Variants in WWOX observed in about 807,000 individuals in gnomAD.
The protein encoded by WWOX is WW domain containing oxidoreductase, also known as WW domain-containing oxidoreductase.
In WWOX, 69 loss-of-function variants were observed where a neutral mutation model predicts 46.2. That is an observed-to-expected ratio of 1.49 (90% confidence interval 1.23 to 1.82). The LOEUF (loss-of-function observed/expected upper bound fraction) is 1.82. WWOX is among the 40% of genes most tolerant of loss of function. WWOX has a pLI of 0.00. For missense variants in WWOX, 919 were observed against 542.6 expected, an observed-to-expected ratio of 1.69 and a Z score of -6.89; for synonymous variants, 359 against 202.6, an observed-to-expected ratio of 1.77 and a Z score of -6.56.
At chr16:78,413,038 G>A (rs1342943283) in intron 6 of WWOX, among the ~76,000 whole-genome samples, 1 of 152,176 alleles carries the variant, frequency 6.6e-6, no homozygotes. Context: ...ATGAGCCAGT[G>A]GAGAGGAAAA....
intron 8 of WWOX, among the ~76,000 whole-genome samples, chr16:79,141,394 G>A (rs766405919): frequency 2.6e-5 from 4 of 152,160 alleles, no homozygotes; most frequent in Non-Finnish European, 4.4e-5. Context: ...CCCTCCTGAG[G>A]CTGTGTCACA....
intron 8 of WWOX, among the ~76,000 whole-genome samples, chr16:78,936,961 A>G (rs1285302739): frequency 6.6e-6 from 1 of 152,212 alleles, no homozygotes; most frequent in Admixed American, 6.5e-5. Flanking sequence ...TTTAAAGCAT[A>G]TTAATCCATT....
intron 8 of WWOX, among the ~76,000 whole-genome samples, chr16:78,915,392 A>G (rs1168668550): frequency 1.3e-5 from 2 of 152,166 alleles, no homozygotes; most frequent in Non-Finnish European, 2.9e-5. Flanking sequence ...TTCCATCTAA[A>G]TAGCTTAATT....
chr16:78,606,387 T>A (rs1288690403), intron 8 of WWOX, among the ~76,000 whole-genome samples: 1 of 152,158 alleles, frequency 6.6e-6, no homozygotes, highest in African/African-American at 2.4e-5. Context: ...TACTTTGGAT[T>A]TATTCTTTTG....
At chr16:78,398,768 T>G (rs1736779651) in intron 6 of WWOX, among the ~76,000 whole-genome samples, 2 of 152,190 alleles carry the variant, frequency 1.3e-5, no homozygotes. Flanking sequence ...TCAGCAAAGA[T>G]GGGAAAGGAT....
chr16:78,744,406 C>T (rs895444629), intron 8 of WWOX, among the ~76,000 whole-genome samples: 3 of 147,768 alleles, frequency 2.0e-5, no homozygotes, highest in East Asian at 2.0e-4. Flanking sequence ...TTAGGAAGGG[C>T]CCATGGTCCA....
chr16:78,250,681 G>C (rs938103830), intron 5 of WWOX, among the ~76,000 whole-genome samples: 4 of 152,174 alleles, frequency 2.6e-5, no homozygotes, highest in Non-Finnish European at 5.9e-5. Flanking sequence ...AGAGTCCAGT[G>C]ATGGCGGGCT....
chr16:79,208,439 G>C (rs907986880), intron 8 of WWOX, among the ~76,000 whole-genome samples: 11 of 152,064 alleles, frequency 7.2e-5, no homozygotes, highest in African/African-American at 2.7e-4. Flanking sequence ...GTATGTCAAG[G>C]TATTATTATT....
At chr16:78,936,905 A>G (rs2045749748) in intron 8 of WWOX, among the ~76,000 whole-genome samples, 1 of 152,236 alleles carries the variant, frequency 6.6e-6, no homozygotes, top group Non-Finnish European at 1.5e-5. Context: ...AATGGAAGCC[A>G]AGAGAAGCAA....
intron 8 of WWOX, among the ~76,000 whole-genome samples, chr16:78,793,003 T>C (rs1275859099): frequency 6.6e-6 from 1 of 152,220 alleles, no homozygotes; most frequent in East Asian, 1.9e-4. Flanking sequence ...ATTAAGTCCC[T>C]TAAGATGCGG....
intron 8 of WWOX, among the ~76,000 whole-genome samples, chr16:78,496,785 G>A (rs1241675897): frequency 6.6e-6 from 1 of 152,194 alleles, no homozygotes; most frequent in Non-Finnish European, 1.5e-5. Flanking sequence ...GAAATGGGAA[G>A]TGCATTGAGG....
At chr16:78,703,321 A>G (rs1436321075) in intron 8 of WWOX, among the ~76,000 whole-genome samples, 1 of 152,154 alleles carries the variant, frequency 6.6e-6, no homozygotes, top group Admixed American at 6.6e-5. Flanking sequence ...ATTTCTAACA[A>G]AATGGGAGTT....
intron 8 of WWOX, among the ~76,000 whole-genome samples, chr16:78,477,100 G>A (rs142219610): frequency 1.6e-3 from 249 of 152,260 alleles, no homozygotes; most frequent in African/African-American, 5.8e-3. Flanking sequence ...AAGAGCCCTT[G>A]AAAGCAATAT....
intron 8 of WWOX, among the ~76,000 whole-genome samples, chr16:78,507,761 G>C (rs1441573276): frequency 3.3e-5 from 5 of 152,148 alleles, no homozygotes; most frequent in Non-Finnish European, 5.9e-5. Context: ...TGTGCCGTGT[G>C]CTGAGCGCAG....
At chr16:78,573,023 C>G (rs1056172072) in intron 8 of WWOX, among the ~76,000 whole-genome samples, 1 of 152,318 alleles carries the variant, frequency 6.6e-6, no homozygotes, top group African/African-American at 2.4e-5. Context: ...CACGGTGGCT[C>G]ACGCCTGTAA....
intron 8 of WWOX, among the ~76,000 whole-genome samples, chr16:78,634,832 G>A (rs868851851): frequency 3.6e-5 from 4 of 111,872 alleles, no homozygotes; most frequent in Non-Finnish European, 7.7e-5. Context: ...GAGAGAGAGA[G>A]AGAGAGTGTG....
Position 78,592,156 on chromosome 16 carries a change from G to T in WWOX, c.1056+159404G>T, listed in dbSNP as rs112834720. Among the ~76,000 whole-genome samples the T allele has an allele frequency of 3.0e-3, 453 of 152,252 alleles. 2 individuals carry two copies. Among genetic ancestry groups the T allele is most frequent in the Non-Finnish European group, 5.0e-3 (343 of 68,024 alleles). On this transcript the variant is annotated intron_variant, in intron 8 of 8. Coordinates refer to ENST00000566780, the MANE Select transcript of WWOX (RefSeq NM_016373.4). The stretch of plus-strand genomic sequence containing the variant: ...CATATGTGAAAATAAAGAACAGCAT[G>T]GTACAAAAAAGGTCTGCTAGGCAAA...
At position 78,109,827 on chromosome 16, in the gene WWOX, T is replaced by C. The variant is rs748079925; in HGVS notation, c.222T>C (p.Phe74=). ...AAACTGATGAGAACGGACAAGTGTT[T>C]TTTGTTGAGTAAGTGTCTGCAAAGA... ...EQETDENGQV[F]FVDHINKRTT... Residue 74 remains phenylalanine, a synonymous_variant, in exon 3 of 9, where the codon TTT becomes TTC. Coordinates refer to ENST00000566780, the MANE Select transcript of WWOX (RefSeq NM_016373.4). The C allele has an allele frequency of 1.5e-5, 25 of 1,614,072 alleles. No homozygotes were observed. Among genetic ancestry groups the C allele is most frequent in the Middle Eastern group, 3.3e-4 (2 of 6,084 alleles).
rs563351381 is a variant in WWOX, at chr16:78,778,344, A to G, written c.1056+345592A>G. On this transcript the variant is annotated intron_variant, in intron 8 of 8. Transcript: ENST00000566780. ...CTTGGGTGGAAGGCAGGTTTCACGTAACTGATTTACCACTTGGTAAAGGAA... is the reference window on the plus strand; with the variant it reads ...CTTGGGTGGAAGGCAGGTTTCACGTGACTGATTTACCACTTGGTAAAGGAA... Among the ~76,000 whole-genome samples, 4 of 152,306 alleles carry G rather than the reference A, an allele frequency of 2.6e-5. No individual in the cohort carries two copies. In the South Asian group the frequency reaches 8.3e-4, roughly 32 times the overall value.
Sources: allele counts gnomAD v4.1 joint callset (sites outside exome capture counted in the v4.1 genomes callset), GRCh38; gene constraint gnomAD v4.1.1; transcripts MANE v1.5; gene names NCBI Gene and HGNC (gene_info 2026-07-23, HGNC 2026-07-21).